Variants in ZNF17 observed in about 807,000 individuals in gnomAD.
ZNF17 encodes zinc finger protein 17 (HPF3, KOX 10).
Under a neutral mutation model 7.7 loss-of-function variants are expected in ZNF17, and 4 were observed. That is an observed-to-expected ratio of 0.52 (90% confidence interval 0.26 to 1.20). The LOEUF (loss-of-function observed/expected upper bound fraction) is 1.20, where lower values mean the gene tolerates loss of function less well. Ranked by LOEUF, ZNF17 falls within the 50% of genes most tolerant of loss-of-function variation. The pLI, the probability that ZNF17 is intolerant of heterozygous loss-of-function variation, is 0.14. For missense variants in ZNF17, 738 were observed against 799.5 expected, an observed-to-expected ratio of 0.92 and a Z score of 0.93; for synonymous variants, 249 against 258.8, an observed-to-expected ratio of 0.96 and a Z score of 0.36.
chr19:57,420,150 T>G lies in ZNF17; in HGVS notation c.664T>G (p.Cys222Gly). 2 of 1,613,610 alleles carry G rather than the reference T, an allele frequency of 1.2e-6. No homozygotes were observed. Among genetic ancestry groups the G allele is most frequent in the Non-Finnish European group, 1.7e-6 (2 of 1,179,474 alleles). Residue 222 changes from cysteine to glycine, a missense_variant, in exon 4 of 4, where the codon TGC becomes GGC. Physicochemically the swap from Cys to Gly is radical, Grantham distance 159. Coordinates refer to ENST00000307658, the MANE Select transcript of ZNF17 (RefSeq NM_001330617.2). ...CCACACAGAGGAAAGGCCTTATGAG[T>G]GCAGTGAATGTGGCAAATTGTTTAG... is the stretch of plus-strand genomic sequence containing the variant. Reference protein sequence around the residue: ...KIHTEERPYECSECGKLFRYN... With the variant: ...KIHTEERPYEGSECGKLFRYN...
chr19:57,420,786 C>A lies in ZNF17; in HGVS notation c.1300C>A (p.His434Asn). Residue 434 changes from histidine (H) to asparagine (N), a missense_variant, in exon 4 of 4, where the codon CAT becomes AAT. Physicochemically the swap from His to Asn is moderately conservative, Grantham distance 68. Transcript: ENST00000307658. The part of the protein sequence containing the change: ...FFMDTSTLII[H>N]QRVHTGEKPY... ...TATGGACACTTCCACACTCATTATT[C>A]ATCAGAGAGTTCATACTGGAGAAAA... The A allele has an allele frequency of 6.2e-7, 1 of 1,613,998 alleles. No individual in the cohort carries two copies. Among genetic ancestry groups the A allele is most frequent in the Non-Finnish European group, 8.5e-7 (1 of 1,179,982 alleles).
intron 2 of ZNF17, among the ~76,000 whole-genome samples, chr19:57,414,183 G>C (rs577025557): frequency 6.6e-6 from 1 of 151,768 alleles, no homozygotes; most frequent in Non-Finnish European, 1.5e-5. Flanking sequence ...ATAGGCACCC[G>C]CCACCATGCC....
intron 3 of ZNF17, chr19:57,419,329 C>G: frequency 1.0e-5 from 3 of 296,146 alleles, no homozygotes; most frequent in Admixed American, 4.6e-5. Context: ...ACACAGTCTT[C>G]TACACATTGT....
Position 57,413,658 on chromosome 19 carries a change from C to T in ZNF17, c.21+22C>T, listed in dbSNP as rs1338609097. The T allele has an allele frequency of 3.9e-6, 6 of 1,535,960 alleles. No individual in the cohort carries two copies. In the South Asian group the frequency reaches 7.1e-5, roughly 18 times the overall value. On this transcript the variant is annotated intron_variant, in intron 2 of 3. Coordinates refer to ENST00000307658, the MANE Select transcript of ZNF17 (RefSeq NM_001330617.2). ...ACAGGTGAGTGGAGAGTGTTTCCAG[C>T]TTTCACCCATCCCAGATGGTTTCAG...
chr19:57,416,834 C>T (rs2088814137), intron 2 of ZNF17, among the ~76,000 whole-genome samples: 1 of 152,102 alleles, frequency 6.6e-6, no homozygotes, highest in Non-Finnish European at 1.5e-5. Flanking sequence ...TGGCGCTTTT[C>T]AGTCTCTTTC....
At chr19:57,418,422 G>A (rs143571849) in intron 3 of ZNF17, among the ~76,000 whole-genome samples, 102 of 152,232 alleles carry the variant, frequency 6.7e-4, no homozygotes, top group Non-Finnish European at 1.6e-4. Flanking sequence ...CCTCGTCACT[G>A]CTTGTGAGGA....
At chr19:57,412,134 G>T (rs1308751588) in intron 1 of ZNF17, among the ~76,000 whole-genome samples, 1 of 152,170 alleles carries the variant, frequency 6.6e-6, no homozygotes, top group East Asian at 1.9e-4. Flanking sequence ...GCTCATATCT[G>T]CAAAAACGGA....
intron 1 of ZNF17, among the ~76,000 whole-genome samples, chr19:57,412,690 C>T (rs749358775): frequency 6.6e-6 from 1 of 152,058 alleles, no homozygotes; most frequent in South Asian, 2.1e-4. Context: ...ATGATCTGCA[C>T]GCCTCAGCCT....
At chr19:57,417,806 C>G in intron 2 of ZNF17, 106 bp from the exon 3 acceptor site, 1 of 1,391,246 alleles carries the variant, frequency 7.2e-7, no homozygotes, top group Non-Finnish European at 9.8e-7. Flanking sequence ...GAGATCACAC[C>G]ACTGCACTCC....
In ZNF17 at chr19:57,421,353, T is replaced by TA. The variant is rs756915121; in HGVS notation, c.1868dup (p.Tyr623Ter). ...CAGTGAATGTGGGAAAGTCTTTAGA[T>TA]ACAACTCCAGCCTCATTAAACATCG... ...ECSECGKVFRYNSSLIKHRRI... is the reference protein window; with the variant it reads ...ECSECGKVFR The change falls in exon 4 of 4, where the codon TAC (tyrosine) becomes TAAC (stop). Residue 623 changes from tyrosine to a stop codon, truncating the protein, a stop_gained and frameshift_variant. Coordinates refer to ENST00000307658, the MANE Select transcript of ZNF17 (RefSeq NM_001330617.2). LOFTEE classifies it low-confidence loss of function (END_TRUNC). 127 of 1,614,084 alleles carry TA rather than the reference T, an allele frequency of 7.9e-5. No individual in the cohort carries two copies. The highest frequency in any genetic ancestry group is 6.2e-5 in the Non-Finnish European group (73 of 1,180,020).
rs1265436710 is a variant in ZNF17, at chr19:57,420,155, T to G, written c.669T>G (p.Ser223Arg). Residue 223 changes from serine (S) to arginine (R), a missense_variant, in exon 4 of 4, where the codon AGT becomes AGG. Ser to Arg is a moderately radical substitution (Grantham distance 110, BLOSUM62 -1). Coordinates refer to ENST00000307658, the MANE Select transcript of ZNF17 (RefSeq NM_001330617.2). ...IHTEERPYEC[S>R]ECGKLFRYNS... ...CAGAGGAAAGGCCTTATGAGTGCAG[T>G]GAATGTGGCAAATTGTTTAGGTACA... 6.2e-7 allele frequency: 1 copy of G among 1,613,228 alleles called. No individual in the cohort carries two copies.
chr19:57,413,168 T>A (rs926082560), intron 1 of ZNF17, among the ~76,000 whole-genome samples: 2 of 152,160 alleles, frequency 1.3e-5, no homozygotes, highest in Non-Finnish European at 2.9e-5. Flanking sequence ...TGAGCCACCA[T>A]GCCCGGCTGA....
chr19:57,414,192 C>A (rs2088796577), intron 2 of ZNF17, among the ~76,000 whole-genome samples: 1 of 152,088 alleles, frequency 6.6e-6, no homozygotes, highest in Admixed American at 6.5e-5. Flanking sequence ...CGCCACCATG[C>A]CCGGCTAATT....
chr19:57,414,101 T>G (rs2088795751), intron 2 of ZNF17, among the ~76,000 whole-genome samples: 1 of 152,174 alleles, frequency 6.6e-6, no homozygotes, highest in East Asian at 1.9e-4. Flanking sequence ...TGGCGCGATC[T>G]CAGCTCACTA....
intron 2 of ZNF17, among the ~76,000 whole-genome samples, chr19:57,415,813 G>A (rs2088807935): frequency 6.6e-6 from 1 of 152,108 alleles, no homozygotes; most frequent in Non-Finnish European, 1.5e-5. Context: ...GGTCTGGGAG[G>A]GGCTTAGTAC....
At chr19:57,418,267 C>T (rs1344603871) in intron 3 of ZNF17, among the ~76,000 whole-genome samples, 1 of 152,110 alleles carries the variant, frequency 6.6e-6, no homozygotes, top group African/African-American at 2.4e-5. Flanking sequence ...CAGAAGTCCT[C>T]AGGTTTCTCA....
chr19:57,412,243 CTG>C, intron 1 of ZNF17, among the ~76,000 whole-genome samples: 1 of 152,266 alleles, frequency 6.6e-6, no homozygotes, highest in East Asian at 1.9e-4. Flanking sequence ...CAGGCCCACT[CTG>C]TGGAACAATA....
In ZNF17 at chr19:57,419,704, T is replaced by C; in HGVS notation, c.218T>C (p.Val73Ala). Reference protein sequence around the residue: ...KQCVSVGVSQVTTLKPALSTQ... With the variant: ...KQCVSVGVSQATTLKPALSTQ... The stretch of plus-strand genomic sequence containing the variant: ...TGTGTTTCTGTAGGAGTGTCACAGG[T>C]CACAACTTTAAAGCCAGCTTTGTCC... The change falls in exon 4 of 4, where the codon GTC becomes GCC. Residue 73 changes from valine to alanine, a missense_variant. By Grantham distance (64) the Val-to-Ala change is moderately conservative (BLOSUM62 0). Coordinates refer to ENST00000307658, the MANE Select transcript of ZNF17 (RefSeq NM_001330617.2). 1 of 1,614,072 alleles carries C rather than the reference T, an allele frequency of 6.2e-7. No individual in the cohort carries two copies. Among genetic ancestry groups the C allele is most frequent in the Non-Finnish European group, 8.5e-7 (1 of 1,180,002 alleles).
Position 57,420,070 on chromosome 19 carries a change from C to G in ZNF17, c.584C>G (p.Thr195Ser), listed in dbSNP as rs759375090. Residue 195 changes from threonine to serine, a missense_variant, in exon 4 of 4, where the codon ACC becomes AGC. This residue lies in a region of ZNF17 where 616 missense variants were observed against 663.9 expected (regional missense o/e 0.93). Transcript: ENST00000307658. Reference protein sequence around the residue: ...FQSGQNNYSCTQCGKDFCHQH... With the variant: ...FQSGQNNYSCSQCGKDFCHQH... ...AGTGGACAGAATAATTACAGCTGCA[C>G]CCAATGTGGGAAAGACTTTTGCCAC... 3 of 1,614,096 alleles carry G rather than the reference C, an allele frequency of 1.9e-6. No homozygotes were observed. Among genetic ancestry groups the G allele is most frequent in the Non-Finnish European group, 2.5e-6 (3 of 1,180,056 alleles).
Sources: allele counts gnomAD v4.1 joint callset (sites outside exome capture counted in the v4.1 genomes callset), GRCh38; gene constraint gnomAD v4.1.1; regional missense constraint gnomAD v4.1.1; transcripts MANE v1.5; gene names NCBI Gene and HGNC (gene_info 2026-07-23, HGNC 2026-07-21).